The following TSGA10 variants were observed in gnomAD, a reference collection of about 807,000 sequenced individuals.
The protein encoded by TSGA10 is testis specific 10.
In TSGA10, 43 loss-of-function variants were observed where a neutral mutation model predicts 96.6. The ratio of observed to expected loss-of-function variants is 0.44; its 90% confidence interval spans 0.35 to 0.57. TSGA10 has a LOEUF of 0.57. TSGA10 is among the 20% of genes least tolerant of loss of function. The pLI is 0.01. For synonymous variants in TSGA10, 229 were observed against 269.9 expected, an observed-to-expected ratio of 0.85 and a Z score of 1.48; for missense variants, 703 against 834.4, an observed-to-expected ratio of 0.84 and a Z score of 1.94.
intron 4 of TSGA10, among the ~76,000 whole-genome samples, chr2:99,115,773 G>C (rs528086714): frequency 2.0e-5 from 3 of 152,144 alleles, no homozygotes; most frequent in African/African-American, 7.2e-5. Context: ...CCAGCTACTC[G>C]GGAGACTGAG....
At chr2:99,092,191 C>A (rs1277162368) in intron 10 of TSGA10, among the ~76,000 whole-genome samples, 1 of 152,070 alleles carries the variant, frequency 6.6e-6, no homozygotes, top group East Asian at 1.9e-4. Context: ...ATTACTGGGT[C>A]AACCATGAAA....
chr2:99,059,035 C>CA lies in TSGA10; in HGVS notation c.1404+5903dup, dbSNP rs60034428. Among the ~76,000 whole-genome samples, 986 of 102,482 alleles carry CA rather than the reference C, an allele frequency of 9.6e-3. 5 individuals carry two copies. The highest frequency in any genetic ancestry group is 0.015 in the Non-Finnish European group (762 of 49,356). 67.2% of individuals were successfully genotyped at this position (102,482 alleles called of 152,430 possible). A position where few individuals can be genotyped will look rare whatever the true frequency, so the allele number is the denominator to read the frequency against. On this transcript the variant is annotated intron_variant, in intron 16 of 20. Transcript: ENST00000393483. ...TGGGCAACAGAGTGAGACTCTGTCT[C>CA]AAAAAAAAAAAATAATATATATATA... is the stretch of plus-strand genomic sequence containing the variant.
chr2:99,069,582 T>C (rs2104498281), intron 14 of TSGA10, among the ~76,000 whole-genome samples: 1 of 151,702 alleles, frequency 6.6e-6, no homozygotes, highest in Admixed American at 6.6e-5. Flanking sequence ...GAGGATCACT[T>C]GAGCCTAAGA....
chr2:99,121,190 C>T (rs1376089520), intron 2 of TSGA10, among the ~76,000 whole-genome samples: 4 of 152,110 alleles, frequency 2.6e-5, no homozygotes, highest in African/African-American at 4.8e-5. Context: ...CCCAGGAGCA[C>T]AACTGCTGGG....
At chr2:99,048,996 T>G (rs879010841) in intron 16 of TSGA10, among the ~76,000 whole-genome samples, 2 of 152,106 alleles carry the variant, frequency 1.3e-5, no homozygotes, top group East Asian at 1.9e-4. Context: ...TCATCACTGG[T>G]CATTAGAGAA....
intron 20 of TSGA10, among the ~76,000 whole-genome samples, chr2:99,010,130 C>T (rs7571390): frequency 0.43 from 65,995 of 152,000 alleles, 16,981 homozygotes; most frequent in African/African-American, 0.72. Context: ...GGTGCTATAA[C>T]AACCAATGTT....
chr2:99,068,532 A>G (rs1183161554), intron 15 of TSGA10, among the ~76,000 whole-genome samples: 3 of 152,174 alleles, frequency 2.0e-5, no homozygotes, highest in African/African-American at 4.8e-5. Context: ...AGGGTAACCA[A>G]TTCTGATCTG....
intron 10 of TSGA10, among the ~76,000 whole-genome samples, chr2:99,088,833 C>T (rs1029331180): frequency 2.0e-5 from 3 of 152,170 alleles, no homozygotes; most frequent in Non-Finnish European, 2.9e-5. Context: ...TTTATCTATA[C>T]TATGGACTAC....
At chr2:99,122,866 T>C (rs1270957481) in intron 2 of TSGA10, among the ~76,000 whole-genome samples, 11 of 152,152 alleles carry the variant, frequency 7.2e-5, no homozygotes. Flanking sequence ...TCTTCCTTCC[T>C]ACTGCTCCAA....
intron 10 of TSGA10, among the ~76,000 whole-genome samples, chr2:99,100,742 C>A (rs2090602500): frequency 6.6e-6 from 1 of 150,814 alleles, no homozygotes; most frequent in Non-Finnish European, 1.5e-5. Context: ...ATGGTGTGAA[C>A]CCCGGAGGCA....
At chr2:99,091,571 T>G (rs986849466) in intron 10 of TSGA10, among the ~76,000 whole-genome samples, 1 of 152,004 alleles carries the variant, frequency 6.6e-6, no homozygotes, top group Non-Finnish European at 1.5e-5. Flanking sequence ...ACCTAACACA[T>G]AAGAATCCAC....
rs2080797384 is a variant in TSGA10 at position 99,028,057 on chromosome 2, T to C, written c.1614+7173A>G. Among the ~76,000 whole-genome samples the C allele has an allele frequency of 2.0e-5, 3 of 152,272 alleles. No homozygotes were observed. The South Asian group carries it at 6.2e-4, about 32-fold the overall frequency. On this transcript the variant is annotated intron_variant, in intron 17 of 20. Transcript: ENST00000393483. ...ACATAGTTACCCCGATCCCTTCCCA[T>C]GGGCATTTACACAGTCATTCTAGCC... is the stretch of plus-strand genomic sequence containing the variant.
At chr2:99,098,947 G>GA (rs1388124305) in intron 10 of TSGA10, among the ~76,000 whole-genome samples, 2 of 152,090 alleles carry the variant, frequency 1.3e-5, no homozygotes, top group African/African-American at 4.8e-5. Context: ...AATGACAGAA[G>GA]AAAAAATGAA....
At chr2:99,059,067 TA>T (rs2084345673) in intron 16 of TSGA10, among the ~76,000 whole-genome samples, 4 of 109,894 alleles carry the variant, frequency 3.6e-5, no homozygotes, top group East Asian at 4.6e-4. Flanking sequence ...TATATATATA[TA>T]TTTATATATT....
intron 10 of TSGA10, among the ~76,000 whole-genome samples, chr2:99,094,858 A>G (rs951737989): frequency 1.3e-5 from 2 of 152,196 alleles, no homozygotes; most frequent in African/African-American, 4.8e-5. Context: ...TCCTTAAAGA[A>G]CTAAATGTAA....
intron 18 of TSGA10, among the ~76,000 whole-genome samples, 180 bp downstream of exon 18, chr2:99,020,100 A>G (rs1025520430): frequency 3.3e-5 from 5 of 152,194 alleles, no homozygotes; most frequent in African/African-American, 1.2e-4. Context: ...AGATCATTAA[A>G]CTTAAATTTA....
chr2:99,104,433 T>C (rs1295181300), intron 9 of TSGA10, among the ~76,000 whole-genome samples: 1 of 152,194 alleles, frequency 6.6e-6, no homozygotes, highest in African/African-American at 2.4e-5. Context: ...ATTACACATA[T>C]AATGTAGAAT....
chr2:99,127,589 T>C (rs1484584545), intron 1 of TSGA10, among the ~76,000 whole-genome samples: 1 of 152,142 alleles, frequency 6.6e-6, no homozygotes, highest in Admixed American at 6.5e-5. Flanking sequence ...AAATAATCCC[T>C]AGAAATAAAA....
At chr2:99,129,212 T>A (rs933943076) in intron 1 of TSGA10, among the ~76,000 whole-genome samples, 1 of 152,204 alleles carries the variant, frequency 6.6e-6, no homozygotes, top group African/African-American at 2.4e-5. Context: ...TTAATTGATA[T>A]TTATATATAT....
Sources: gnomAD v4.1 joint callset for allele counts (sites outside exome capture counted in the v4.1 genomes callset) on GRCh38, gnomAD v4.1.1 for gene constraint, MANE v1.5 for transcripts, NCBI Gene and HGNC (gene_info 2026-07-23, HGNC 2026-07-21) for gene names.